MSI2: variants seen among roughly 807,000 people sequenced by gnomAD.
The protein encoded by MSI2 is RNA-binding protein Musashi homolog 2.
In MSI2, 17 loss-of-function variants were observed where a neutral mutation model predicts 45.6. The observed-to-expected ratio is 0.37, with a 90% confidence interval of 0.26 to 0.56. The LOEUF is 0.56. Among genes scored for constraint, MSI2 ranks in the 20% least tolerant of loss-of-function variants. MSI2 has a pLI of 0.77. For missense variants in MSI2, 293 were observed against 444.2 expected (o/e 0.66, Z 3.06); for synonymous variants, 156 against 158.2 (o/e 0.99, Z 0.11).
chr17:57,390,160 A>C (rs140467222), intron 5 of MSI2, among the ~76,000 whole-genome samples: 41 of 152,032 alleles, frequency 2.7e-4, no homozygotes, highest in Non-Finnish European at 5.3e-4. Flanking sequence ...GGAGGCTGAG[A>C]TGGGAGGATT....
chr17:57,666,685 A>T (rs1912392564), intron 11 of MSI2, among the ~76,000 whole-genome samples: 1 of 152,250 alleles, frequency 6.6e-6, no homozygotes, highest in Non-Finnish European at 1.5e-5. Flanking sequence ...CTGGGCCTGC[A>T]GTGAGTGCAA....
At chr17:57,647,985 CAG>C in intron 10 of MSI2, among the ~76,000 whole-genome samples, 1 of 151,464 alleles carries the variant, frequency 6.6e-6, no homozygotes, top group African/African-American at 2.4e-5. Context: ...TTGTTTGAGA[CAG>C]AGTCTTGCTC....
In MSI2 at chr17:57,417,387, G is replaced by A. The variant is rs146389521; in HGVS notation, c.405+15916G>A. 2.0e-3 allele frequency among the ~76,000 whole-genome samples: 299 copies of A among 152,250 alleles called. 1 individual carries two copies. Among genetic ancestry groups the A allele is most frequent in the African/African-American group, 6.5e-3 (272 of 41,544 alleles). ...CTCACTTCCATGGACCTGAAATCGT[G>A]AGTTTGACTTTGTCATCAGCTGCAG... On this transcript the variant is annotated intron_variant, in intron 6 of 13. Coordinates refer to ENST00000284073, the MANE Select transcript of MSI2 (RefSeq NM_138962.4).
intron 7 of MSI2, among the ~76,000 whole-genome samples, chr17:57,557,003 G>C (rs1353489932): frequency 6.6e-6 from 1 of 152,192 alleles, no homozygotes; most frequent in Non-Finnish European, 1.5e-5. Flanking sequence ...GATTGGCTGA[G>C]GCCTGAAATG....
chr17:57,391,845 TGAA>T (rs2083798418), intron 5 of MSI2, among the ~76,000 whole-genome samples: 1 of 152,242 alleles, frequency 6.6e-6, no homozygotes, highest in South Asian at 2.1e-4. Context: ...TCAAAAACAG[TGAA>T]GGTTTCTTAC....
At chr17:57,294,426 G>T (rs541359236) in intron 5 of MSI2, among the ~76,000 whole-genome samples, 1 of 152,118 alleles carries the variant, frequency 6.6e-6, no homozygotes. Context: ...TGAGTTTCAC[G>T]GGAGAAAAAG....
intron 5 of MSI2, among the ~76,000 whole-genome samples, chr17:57,364,593 G>A (rs1917052336): frequency 1.3e-5 from 2 of 152,126 alleles, no homozygotes; most frequent in Admixed American, 6.5e-5. Context: ...GTTTAAGCCC[G>A]TTTTCCACCC....
rs987207451 is a variant in MSI2, at chr17:57,684,028, A to C, written c.*4511A>C. ...CGGGGACCTGCAGGGGGGCAACCTTAATCCAAACACCTGGCTATCAAATAA... is the reference window on the plus strand; with the variant it reads ...CGGGGACCTGCAGGGGGGCAACCTTCATCCAAACACCTGGCTATCAAATAA... On this transcript the variant is annotated 3_prime_UTR_variant, in exon 14 of 14. Coordinates refer to ENST00000284073, the MANE Select transcript of MSI2 (RefSeq NM_138962.4). The C allele has an allele frequency of 4.4e-6, 1 of 228,540 alleles. No individual in the cohort carries two copies. The highest frequency in any genetic ancestry group is 2.2e-5 in the African/African-American group (1 of 44,984). 14.2% of individuals were successfully genotyped at this position (228,540 alleles called of 1,614,324 possible). A position where few individuals can be genotyped will look rare whatever the true frequency, so the allele number is the denominator to read the frequency against.
At chr17:57,587,370 A>G (rs774541678) in intron 7 of MSI2, among the ~76,000 whole-genome samples, 1 of 152,246 alleles carries the variant, frequency 6.6e-6, no homozygotes, top group Non-Finnish European at 1.5e-5. Flanking sequence ...TGAGCTGAAA[A>G]GGAAAGAAGA....
At chr17:57,542,638 G>A (rs1424846901) in intron 7 of MSI2, among the ~76,000 whole-genome samples, 1 of 152,178 alleles carries the variant, frequency 6.6e-6, no homozygotes, top group Non-Finnish European at 1.5e-5. Flanking sequence ...CATTTTTCCA[G>A]CTGATGCTAA....
intron 7 of MSI2, among the ~76,000 whole-genome samples, chr17:57,534,601 G>C (rs2086885254): frequency 7.1e-6 from 1 of 140,078 alleles, no homozygotes; most frequent in African/African-American, 2.4e-5. Context: ...TGAAATCCCA[G>C]CCACCCGGGA....
intron 6 of MSI2, among the ~76,000 whole-genome samples, chr17:57,412,222 G>T (rs2143207302): frequency 6.6e-6 from 1 of 152,116 alleles, no homozygotes; most frequent in East Asian, 2.0e-4. Context: ...ATTTTTAGTA[G>T]AGACAGGGTT....
intron 7 of MSI2, among the ~76,000 whole-genome samples, chr17:57,584,120 C>T (rs1006090275): frequency 6.6e-6 from 1 of 152,118 alleles, no homozygotes; most frequent in African/African-American, 2.4e-5. Context: ...GCCCCCTGTC[C>T]GCAGTAGCCT....
intron 5 of MSI2, among the ~76,000 whole-genome samples, chr17:57,396,537 A>G (rs2083893799): frequency 6.6e-6 from 1 of 151,948 alleles, no homozygotes. Flanking sequence ...ATTTTTTTTA[A>G]CTCAAAAAGC....
chr17:57,643,323 T>C (rs1475084416), intron 10 of MSI2, among the ~76,000 whole-genome samples: 1 of 152,222 alleles, frequency 6.6e-6, no homozygotes, highest in Non-Finnish European at 1.5e-5. Flanking sequence ...CGTTCTGTTG[T>C]GGAGACAGGT....
At chr17:57,389,893 C>G (rs1439174975) in intron 5 of MSI2, among the ~76,000 whole-genome samples, 3 of 152,142 alleles carry the variant, frequency 2.0e-5, no homozygotes, top group Admixed American at 6.5e-5. Flanking sequence ...CAGGCTCCTT[C>G]TGCTCTTCTG....
intron 5 of MSI2, among the ~76,000 whole-genome samples, chr17:57,295,987 C>G (rs992063668): frequency 8.2e-6 from 1 of 122,128 alleles, no homozygotes; most frequent in Non-Finnish European, 1.6e-5. Flanking sequence ...GTTCACGCAG[C>G]CTTCCTTTTT....
At chr17:57,496,413 G>A (rs1023263404) in intron 6 of MSI2, among the ~76,000 whole-genome samples, 9 of 152,078 alleles carry the variant, frequency 5.9e-5, no homozygotes, top group African/African-American at 2.2e-4. Flanking sequence ...TGGCCCTGTC[G>A]AACCTTCCAG....
intron 10 of MSI2, among the ~76,000 whole-genome samples, chr17:57,643,675 A>ATTTC (rs1342042696): frequency 3.9e-5 from 6 of 152,282 alleles, no homozygotes; most frequent in Non-Finnish European, 8.8e-5. Flanking sequence ...GTGTCCTGAC[A>ATTTC]GAAACACTTT....
Sources: allele counts gnomAD v4.1 joint callset (sites outside exome capture counted in the v4.1 genomes callset), GRCh38; gene constraint gnomAD v4.1.1; transcripts MANE v1.5; gene names NCBI Gene and HGNC (gene_info 2026-07-23, HGNC 2026-07-21).